Variants in COL17A1 observed in about 807,000 individuals in gnomAD.
COL17A1 encodes the protein collagen type XVII alpha 1 chain.
A neutral mutation model predicts 218.4 loss-of-function variants in COL17A1; 181 were observed. The observed-to-expected ratio is 0.83, with a 90% CI of 0.73 to 0.94. The LOEUF (loss-of-function observed/expected upper bound fraction) is 0.94, where lower values mean the gene tolerates loss of function less well. COL17A1 is among the 40% of genes least tolerant of loss of function. The pLI is 0.00. For synonymous variants in COL17A1, 721 were observed against 731.0 expected (o/e 0.99, Z 0.22); for missense variants, 1,924 against 1,945.9 (o/e 0.99, Z 0.21).
intron 12 of COL17A1, 88 bp from the exon 13 acceptor site, chr10:104,061,561 C>T (rs1407407236): frequency 1.2e-5 from 13 of 1,068,936 alleles, no homozygotes; most frequent in East Asian, 5.1e-5. Context: ...GAGGTACCCC[C>T]GACCCTCTCC....
rs576426513 is a variant in COL17A1, at chr10:104,054,073, G to A, written c.1771+19C>T. 1 of 1,613,304 alleles carries A rather than the reference G, an allele frequency of 6.2e-7. No homozygotes were observed. Among genetic ancestry groups the A allele is most frequent in the South Asian group, 1.1e-5 (1 of 90,918 alleles). ...AGCTGCAACACTGGCAGGCCTGGAG[G>A]TCATCAGAGAGTACATACCTGGAGT... On this transcript the variant is annotated intron_variant, in intron 21 of 55. Transcript: ENST00000648076.
chr10:104,044,692 A>G (rs2086392283), intron 33 of COL17A1, among the ~76,000 whole-genome samples: 1 of 152,200 alleles, frequency 6.6e-6, no homozygotes, highest in Non-Finnish European at 1.5e-5. Flanking sequence ...ATGCAATCCA[A>G]CGTTCGGTAA....
In COL17A1 at chr10:104,033,414, C is replaced by T. The variant is rs187918564; in HGVS notation, c.4157-39G>A. The stretch of plus-strand genomic sequence containing the variant: ...GAGCTTGGGCACAGGAAGCAGGGAT[C>T]TCCCAGTACCCTCTTCAGCAGGAGC... On this transcript the variant is annotated intron_variant, in intron 52 of 55. Transcript: ENST00000648076. 6.2e-4 allele frequency: 993 copies of T among 1,604,818 alleles called. 10 individuals are homozygous for T. In the African/African-American group the frequency reaches 0.011, roughly 18 times the overall value.
At chr10:104,077,928 A>G (rs2086726122) in intron 3 of COL17A1, among the ~76,000 whole-genome samples, 1 of 152,204 alleles carries the variant, frequency 6.6e-6, no homozygotes, top group Non-Finnish European at 1.5e-5. Flanking sequence ...GGCAGCCACT[A>G]GAAGTGCTGG....
intron 55 of COL17A1, 126 bp downstream of exon 55, chr10:104,032,548 G>T: frequency 2.9e-6 from 3 of 1,022,802 alleles, no homozygotes; most frequent in South Asian, 1.3e-5. Flanking sequence ...GGCAGTGTCT[G>T]CCTGGAGTAA....
intron 41 of COL17A1, 148 bp downstream of exon 41, chr10:104,039,825 A>T: frequency 7.8e-7 from 1 of 1,278,656 alleles, no homozygotes; most frequent in Non-Finnish European, 1.1e-6. Flanking sequence ...ACACCCATGC[A>T]CACACTCAAC....
chr10:104,042,293 G>A lies in COL17A1; in HGVS notation c.2551+127C>T. ...TTGCAAGACCCCGGTGAAGAGCCCT[G>A]GCCCTGTCCTCCTTTTCCAAAACAC... On this transcript the variant is annotated intron_variant, in intron 36 of 55. Transcript: ENST00000648076. The A allele has an allele frequency of 3.1e-6, 3 of 973,762 alleles. No homozygotes were observed. In the East Asian group the frequency reaches 7.7e-5, roughly 25 times the overall value. 60.3% of individuals were successfully genotyped at this position (973,762 alleles called of 1,614,324 possible). A position where few individuals can be genotyped will look rare whatever the true frequency, so the allele number is the denominator to read the frequency against.
chr10:104,058,337 T>G, intron 15 of COL17A1, 147 bp from the exon 16 acceptor site: 1 of 936,258 alleles, frequency 1.1e-6, no homozygotes, highest in Non-Finnish European at 1.6e-6. Flanking sequence ...CAGTCCTCAC[T>G]AATCTGATAT....
chr10:104,034,858 T>C, intron 50 of COL17A1, 91 bp from the exon 51 acceptor site: 1 of 1,524,726 alleles, frequency 6.6e-7, no homozygotes, highest in East Asian at 2.3e-5. Flanking sequence ...GGGCCCCACC[T>C]GAAAGGAGGG....
chr10:104,051,023 A>G lies in COL17A1; in HGVS notation c.2039-122T>C, dbSNP rs17116378. ...ATGCACACACCCTATAGTAAAAGTC[A>G]AAGGATGCTTTCCATGGACTCCTTC... On this transcript the variant is annotated intron_variant, in intron 25 of 55. Coordinates refer to ENST00000648076, the MANE Select transcript of COL17A1 (RefSeq NM_000494.4). The G allele has an allele frequency of 1.8e-3, 2,792 of 1,527,870 alleles. 38 individuals carry two copies. In the African/African-American group the frequency reaches 0.033, roughly 18 times the overall value. 94.6% of individuals were successfully genotyped at this position (1,527,870 alleles called of 1,614,324 possible).
At chr10:104,063,112 T>C (rs148486518) in intron 11 of COL17A1, among the ~76,000 whole-genome samples, 372 of 152,264 alleles carry the variant, frequency 2.4e-3, no homozygotes, top group African/African-American at 8.8e-3. Flanking sequence ...TCTATATCAG[T>C]CAAGTAAATA....
At position 104,035,572 on chromosome 10, in the gene COL17A1, G is replaced by A. The variant is rs1259328793; in HGVS notation, c.3419-9C>T. The A allele has an allele frequency of 6.2e-6, 10 of 1,611,334 alleles. No homozygotes were observed. Among genetic ancestry groups the A allele is most frequent in the East Asian group, 2.2e-5 (1 of 44,854 alleles). On this transcript the variant is annotated splice_polypyrimidine_tract_variant and intron_variant, in intron 48 of 55. Transcript: ENST00000648076. ...AATGCTGATCCCAGAACCTAGGGAG[G>A]TGATGGATTCAGATCAGGCAGGGGG...
intron 3 of COL17A1, among the ~76,000 whole-genome samples, chr10:104,078,057 G>C (rs77480917): frequency 2.0e-5 from 3 of 152,120 alleles, no homozygotes; most frequent in African/African-American, 7.2e-5. Flanking sequence ...CCCTGGAGGC[G>C]GGGGCAGGGG....
intron 13 of COL17A1, among the ~76,000 whole-genome samples, chr10:104,061,164 G>A (rs1347452832): frequency 1.3e-5 from 2 of 152,312 alleles, no homozygotes; most frequent in Non-Finnish European, 2.9e-5. Context: ...CAGGTATGGA[G>A]GGTGGAGCTT....
intron 1 of COL17A1, among the ~76,000 whole-genome samples, chr10:104,082,340 C>G (rs1452214757): frequency 6.6e-6 from 1 of 152,170 alleles, no homozygotes; most frequent in African/African-American, 2.4e-5. Flanking sequence ...TTATGTCATG[C>G]AAACCTACGT....
At position 104,052,149 on chromosome 10, in the gene COL17A1, A is replaced by C. The variant is rs1419719155; in HGVS notation, c.2002+6T>G. The C allele has an allele frequency of 6.2e-7, 1 of 1,614,002 alleles. No homozygotes were observed. Among genetic ancestry groups the C allele is most frequent in the Non-Finnish European group, 8.5e-7 (1 of 1,179,966 alleles). On this transcript the variant is annotated splice_donor_region_variant and intron_variant, in intron 24 of 55. Transcript: ENST00000648076. ...ACTTTGATTCCTTCCTGCACACTGG[A>C]CTTACCTTTGGGACCCACAGAACCT...
At chr10:104,046,809 G>A in intron 31 of COL17A1, 36 bp from the exon 32 acceptor site, 1 of 1,609,822 alleles carries the variant, frequency 6.2e-7, no homozygotes, top group Non-Finnish European at 8.5e-7. Flanking sequence ...AAGAGTTGAA[G>A]GGTGGAGGCC....
intron 24 of COL17A1, 116 bp downstream of exon 24, chr10:104,052,039 G>T: frequency 7.1e-7 from 1 of 1,400,864 alleles, no homozygotes; most frequent in Non-Finnish European, 1.0e-6. Flanking sequence ...CCCCTGCACA[G>T]GCCTGGGGCA....
At chr10:104,084,094 T>G (rs2086787601) in intron 1 of COL17A1, among the ~76,000 whole-genome samples, 1 of 152,226 alleles carries the variant, frequency 6.6e-6, no homozygotes, top group Non-Finnish European at 1.5e-5. Flanking sequence ...TGCTGCTTGC[T>G]ACATTTGGTA....
Sources: gnomAD v4.1 joint callset for allele counts (sites outside exome capture counted in the v4.1 genomes callset) on GRCh38, gnomAD v4.1.1 for gene constraint, MANE v1.5 for transcripts, NCBI Gene and HGNC (gene_info 2026-07-23, HGNC 2026-07-21) for gene names.